DPF2: variants seen among roughly 807,000 people sequenced by gnomAD.
DPF2 encodes the protein zinc finger protein ubi-d4.
In DPF2, 10 loss-of-function variants were observed where a neutral mutation model predicts 59.6. That is an observed-to-expected ratio of 0.17 (90% CI 0.10 to 0.28). The LOEUF is 0.28. Among genes scored for constraint, DPF2 ranks in the 10% least tolerant of loss-of-function variants. The pLI, the probability that DPF2 is intolerant of heterozygous loss-of-function variation, is 1.00. For missense variants in DPF2, 315 were observed against 509.4 expected (o/e 0.62, Z 3.67); for synonymous variants, 189 against 190.6 (o/e 0.99, Z 0.07).
chr11:65,345,384 T>TG (rs1854498400), intron 6 of DPF2: 1 of 437,010 alleles, frequency 2.3e-6, no homozygotes, highest in Non-Finnish European at 4.2e-6. Context: ...TAACTGGTGA[T>TG]GGGGCAAGGG....
intron 10 of DPF2, among the ~76,000 whole-genome samples, chr11:65,349,379 C>A (rs771319491): frequency 6.6e-5 from 10 of 152,208 alleles, no homozygotes; most frequent in Admixed American, 4.6e-4. Flanking sequence ...CGATAACTTA[C>A]TGTAATAATG....
chr11:65,340,938 C>T, intron 2 of DPF2, 28 bp from the exon 3 acceptor site: 1 of 1,609,356 alleles, frequency 6.2e-7, no homozygotes, highest in South Asian at 1.1e-5. Context: ...GGGTTAGGGC[C>T]TGACTTCTAT....
chr11:65,351,661 A>G, intron 10 of DPF2, 22 bp from the exon 11 acceptor site: 1 of 1,612,148 alleles, frequency 6.2e-7, no homozygotes, highest in Non-Finnish European at 8.5e-7. Context: ...ACCCATCCTG[A>G]CCCCATTTTG....
At chr11:65,342,846 A>C (rs929630486) in intron 4 of DPF2, among the ~76,000 whole-genome samples, 2 of 150,088 alleles carry the variant, frequency 1.3e-5, no homozygotes, top group Non-Finnish European at 3.0e-5. Context: ...CCCCGTCTCT[A>C]CTAAAAATAC....
intron 9 of DPF2, chr11:65,347,991 G>A (rs1425806660): frequency 6.6e-6 from 1 of 152,182 alleles, no homozygotes; most frequent in African/African-American, 2.4e-5. Context: ...GCCGTGTGGA[G>A]GGTAGACTGT....
chr11:65,342,261 A>G (rs1331948605), intron 4 of DPF2, among the ~76,000 whole-genome samples: 1 of 152,192 alleles, frequency 6.6e-6, no homozygotes, highest in Non-Finnish European at 1.5e-5. Flanking sequence ...TCTAGGCAAC[A>G]TAGCAGGACC....
intron 1 of DPF2, 26 bp from the exon 2 acceptor site, chr11:65,340,358 CA>C: frequency 6.2e-7 from 1 of 1,611,846 alleles, no homozygotes; most frequent in Non-Finnish European, 8.5e-7. Flanking sequence ...CTCCAACATA[CA>C]CGCCTGATTT....
rs780896267 is a variant in DPF2, at chr11:65,341,419, A to G, written c.322A>G (p.Lys108Glu). 5 of 1,614,152 alleles carry G rather than the reference A, an allele frequency of 3.1e-6. No homozygotes were observed. The East Asian group carries it at 1.1e-4, about 36-fold the overall frequency. Residue 108 changes from lysine to glutamate, a missense_variant, in exon 4 of 11, where the codon AAG (lysine) becomes GAG (glutamate). Coordinates refer to ENST00000528416, the MANE Select transcript of DPF2 (RefSeq NM_006268.5). ...IKPDTDQTLK[K>E]EGLISQDGSS... is the part of the protein sequence containing the mutation. Reference sequence around the variant, plus strand: ...TGCAGACACAGACCAGACCCTGAAGAAGGAGGGGCTGATCTCTCAGGATGG... The same window carrying G: ...TGCAGACACAGACCAGACCCTGAAGGAGGAGGGGCTGATCTCTCAGGATGG...
intron 1 of DPF2, among the ~76,000 whole-genome samples, chr11:65,337,504 T>TATATAGAGAGAGAG (rs1282367012): frequency 2.8e-4 from 6 of 21,392 alleles, no homozygotes; most frequent in East Asian, 3.1e-3. Flanking sequence ...TATATATATA[T>TATATAGAGAGAGAG]AGAGAGAGAG....
chr11:65,341,668 A>AGC, intron 4 of DPF2, 106 bp downstream of exon 4: 1 of 1,489,076 alleles, frequency 6.7e-7, no homozygotes, highest in Non-Finnish European at 9.1e-7. Flanking sequence ...GAGTCCAGGA[A>AGC]GCAGGCCCCT....
intron 6 of DPF2, chr11:65,344,647 G>T: frequency 6.5e-7 from 1 of 1,535,322 alleles, no homozygotes; most frequent in South Asian, 1.2e-5. Context: ...TTTCAGACTT[G>T]TGGTTTTCCT....
In DPF2 at chr11:65,340,946, T is replaced by C. The variant is rs764250607; in HGVS notation, c.194-20T>C. 3 of 1,612,712 alleles carry C rather than the reference T, an allele frequency of 1.9e-6. No homozygotes were observed. The highest frequency in any genetic ancestry group is 2.5e-6 in the Non-Finnish European group (3 of 1,179,314). ...TAATACTGGGTTAGGGCCTGACTTCTATCTTTCTTCCTGCCACAGGATTGG... is the reference window on the plus strand; with the variant it reads ...TAATACTGGGTTAGGGCCTGACTTCCATCTTTCTTCCTGCCACAGGATTGG... On this transcript the variant is annotated intron_variant, in intron 2 of 10. Coordinates refer to ENST00000528416, the MANE Select transcript of DPF2 (RefSeq NM_006268.5).
At position 65,341,081 on chromosome 11, in the gene DPF2, A is replaced by G; in HGVS notation, c.301+8A>G. ...TCCCATCTATTAAGCCAGGTAAGGC[A>G]CATACTTCCTGAGCAGAGGCGTGGC... On this transcript the variant is annotated splice_region_variant and intron_variant, in intron 3 of 10. Transcript: ENST00000528416. 7 of 1,613,790 alleles carry G rather than the reference A, an allele frequency of 4.3e-6. No individual in the cohort carries two copies. Among genetic ancestry groups the G allele is most frequent in the Non-Finnish European group, 5.9e-6 (7 of 1,179,852 alleles).
At chr11:65,333,942 C>T (rs1027207749) in intron 1 of DPF2, 24 bp downstream of exon 1, 4 of 1,613,160 alleles carry the variant, frequency 2.5e-6, no homozygotes, top group Non-Finnish European at 3.4e-6. Context: ...TCTTTCTCTC[C>T]TAGGGCGGCA....
chr11:65,346,172 T>G, intron 8 of DPF2, 75 bp from the exon 9 acceptor site: 9 of 1,598,066 alleles, frequency 5.6e-6, no homozygotes, highest in Non-Finnish European at 7.7e-6. Flanking sequence ...CAAGAGAAGA[T>G]GTAGCCACAG....
chr11:65,350,289 T>G (rs951130162), intron 10 of DPF2, among the ~76,000 whole-genome samples: 1 of 152,122 alleles, frequency 6.6e-6, no homozygotes, highest in African/African-American at 2.4e-5. Context: ...CTAAAACCTA[T>G]GGACCACATC....
intron 1 of DPF2, among the ~76,000 whole-genome samples, chr11:65,334,226 C>A (rs1590926849): frequency 6.6e-6 from 1 of 152,212 alleles, no homozygotes; most frequent in Non-Finnish European, 1.5e-5. Flanking sequence ...CGAGACTCAC[C>A]GTCCCGGTCC....
Position 65,340,389 on chromosome 11 carries a change from G to A in DPF2, c.37G>A (p.Gly13Arg), listed in dbSNP as rs755050905. The change falls in exon 2 of 11, where the codon GGG (glycine) becomes AGG (arginine). Residue 13 changes from glycine (G) to arginine (R), a missense_variant. By Grantham distance (125) the Gly-to-Arg change is moderately radical. This residue lies in a region of DPF2 where 228 missense variants were observed against 275.3 expected (regional missense o/e 0.83). Coordinates refer to ENST00000528416, the MANE Select transcript of DPF2 (RefSeq NM_006268.5). ...TGATTTCTATCTTCCCTGCAGCCTT[G>A]GGGAGCAGTACTACAAAGATGCCAT... Reference protein sequence around the residue: ...AVVENVVKLLGEQYYKDAMEQ... With the variant: ...AVVENVVKLLREQYYKDAMEQ... 1.2e-6 allele frequency: 2 copies of A among 1,613,786 alleles called. No individual in the cohort carries two copies. Among genetic ancestry groups the A allele is most frequent in the Non-Finnish European group, 1.7e-6 (2 of 1,179,848 alleles).
Position 65,345,820 on chromosome 11 carries a change from G to C in DPF2, c.775+17G>C, listed in dbSNP as rs1405376119. The C allele has an allele frequency of 3.7e-6, 6 of 1,613,834 alleles. No homozygotes were observed. Among genetic ancestry groups the C allele is most frequent in the Admixed American group, 3.3e-5 (2 of 59,964 alleles). ...AGCAGAAATGTAAGCTGAGGTGTCA[G>C]AAGTGGTGGGCAAGCAGAAGTTGGC... On this transcript the variant is annotated intron_variant, in intron 7 of 10. Transcript: ENST00000528416.
Sources: gnomAD v4.1 joint callset for allele counts (sites outside exome capture counted in the v4.1 genomes callset) on GRCh38, gnomAD v4.1.1 for gene constraint, gnomAD v4.1.1 regional missense constraint, MANE v1.5 for transcripts, NCBI Gene and HGNC (gene_info 2026-07-23, HGNC 2026-07-21) for gene names.